The following DLGAP2 variants were observed in gnomAD, a reference collection of about 807,000 sequenced individuals.
DLGAP2 encodes DLG associated protein 2, also known as disks large-associated protein 2.
DLGAP2 carries 26 observed loss-of-function variants against 100.3 expected under a neutral mutation model. That is an observed-to-expected ratio of 0.26 (90% CI 0.19 to 0.36). The LOEUF (loss-of-function observed/expected upper bound fraction) is 0.36. Among genes scored for constraint, DLGAP2 ranks in the 10% least tolerant of loss-of-function variants. DLGAP2 has a pLI of 1.00. For missense variants in DLGAP2, 1,858 were observed against 1,453.2 expected, an observed-to-expected ratio of 1.28 and a Z score of -4.53; for synonymous variants, 886 against 630.1, an observed-to-expected ratio of 1.41 and a Z score of -6.08.
chr8:1,115,806 TTTG>T (rs1446479984), intron 2 of DLGAP2, among the ~76,000 whole-genome samples: 1 of 152,174 alleles, frequency 6.6e-6, no homozygotes, highest in African/African-American at 2.4e-5. Flanking sequence ...AGTTTTCGAA[TTTG>T]TTGAGATGAT....
intron 2 of DLGAP2, among the ~76,000 whole-genome samples, chr8:987,784 C>T (rs1386749691): frequency 6.6e-6 from 1 of 152,172 alleles, no homozygotes; most frequent in African/African-American, 2.4e-5. Flanking sequence ...CTTTTACTCA[C>T]ACCGGGTGCT....
At chr8:1,651,167 G>A (rs73671288) in intron 8 of DLGAP2, among the ~76,000 whole-genome samples, 17,949 of 152,186 alleles carry the variant, frequency 0.12, 1,404 homozygotes, top group Middle Eastern at 0.23. Flanking sequence ...CTCAGACACC[G>A]TATTTCTTCC....
intron 2 of DLGAP2, among the ~76,000 whole-genome samples, chr8:1,154,184 G>A (rs550877471): frequency 1.7e-3 from 266 of 152,278 alleles, no homozygotes; most frequent in Middle Eastern, 6.8e-3. Flanking sequence ...GGTAATGTAA[G>A]GGGTAATTGT....
At chr8:1,451,383 C>T (rs777428872) in intron 3 of DLGAP2, among the ~76,000 whole-genome samples, 1 of 152,258 alleles carries the variant, frequency 6.6e-6, no homozygotes, top group East Asian at 1.9e-4. Context: ...GTGAGTCCTC[C>T]AGCCACCTCC....
intron 13 of DLGAP2, among the ~76,000 whole-genome samples, chr8:1,693,595 G>A (rs957282678): frequency 1.6e-4 from 24 of 152,178 alleles, no homozygotes; most frequent in African/African-American, 5.1e-4. Flanking sequence ...GCTTTTTCAC[G>A]TGCAAGGAGA....
chr8:749,027 G>A (rs566864650), intron 1 of DLGAP2, among the ~76,000 whole-genome samples: 44 of 152,258 alleles, frequency 2.9e-4, no homozygotes, highest in South Asian at 4.1e-4. Context: ...GTGAGAGGGG[G>A]CCTTGCTTGT....
At chr8:882,750 C>T (rs996938927) in intron 1 of DLGAP2, among the ~76,000 whole-genome samples, 1 of 150,992 alleles carries the variant, frequency 6.6e-6, no homozygotes, top group African/African-American at 2.4e-5. Flanking sequence ...CCTGATCCAG[C>T]GGTACCTCTC....
intron 2 of DLGAP2, among the ~76,000 whole-genome samples, chr8:952,661 T>C (rs944849522): frequency 1.2e-4 from 18 of 151,930 alleles, no homozygotes; most frequent in African/African-American, 4.1e-4. Context: ...AAAATAAAAA[T>C]AATCAACATA....
intron 3 of DLGAP2, among the ~76,000 whole-genome samples, chr8:1,430,023 T>TATATATATATATATATATAA (rs1797376759): frequency 1.0e-5 from 1 of 97,916 alleles, no homozygotes; most frequent in Non-Finnish European, 2.0e-5. Context: ...TATATATATA[T>TATATATATATATATATATAA]ATATACACAC....
At chr8:803,554 A>G (rs888929902) in intron 1 of DLGAP2, among the ~76,000 whole-genome samples, 1 of 147,396 alleles carries the variant, frequency 6.8e-6, no homozygotes, top group Non-Finnish European at 1.5e-5. Flanking sequence ...GTTACCAGTG[A>G]GATGCCCACC....
intron 1 of DLGAP2, among the ~76,000 whole-genome samples, chr8:789,947 G>A (rs915837677): frequency 2.0e-5 from 3 of 152,228 alleles, no homozygotes; most frequent in Admixed American, 1.3e-4. Context: ...TAAGGTTTCT[G>A]ATCTCTGTTT....
At chr8:784,703 C>A (rs1244472794) in intron 1 of DLGAP2, among the ~76,000 whole-genome samples, 1 of 152,164 alleles carries the variant, frequency 6.6e-6, no homozygotes, top group Admixed American at 6.5e-5. Context: ...CTGTGGACCC[C>A]ATACAGTGTT....
chr8:988,098 T>C (rs1012597997), intron 2 of DLGAP2, among the ~76,000 whole-genome samples: 2 of 152,200 alleles, frequency 1.3e-5, no homozygotes, highest in Non-Finnish European at 2.9e-5. Flanking sequence ...TAGGCCCTGA[T>C]GGGAGTTGCG....
intron 1 of DLGAP2, among the ~76,000 whole-genome samples, chr8:746,673 T>C (rs1473433040): frequency 1.3e-5 from 2 of 152,268 alleles, no homozygotes; most frequent in Non-Finnish European, 2.9e-5. Flanking sequence ...GTTTTGATTT[T>C]CTGTTTTTGT....
At chr8:1,573,483 AAG>A (rs1287908178) in intron 6 of DLGAP2, among the ~76,000 whole-genome samples, 5 of 152,040 alleles carry the variant, frequency 3.3e-5, no homozygotes, top group Admixed American at 6.5e-5. Context: ...AGAAAGGGTG[AAG>A]AGTGTCTGAG....
intron 2 of DLGAP2, among the ~76,000 whole-genome samples, chr8:1,153,657 G>C (rs774683895): frequency 1.3e-5 from 2 of 152,180 alleles, no homozygotes; most frequent in African/African-American, 4.8e-5. Context: ...ATCAGAATGT[G>C]AGTCTAATGA....
At chr8:1,371,518 T>G (rs988575626) in intron 3 of DLGAP2, among the ~76,000 whole-genome samples, 5 of 152,210 alleles carry the variant, frequency 3.3e-5, no homozygotes, top group African/African-American at 1.2e-4. Context: ...CTGTGGTGGT[T>G]TGTGGCTTCT....
intron 2 of DLGAP2, among the ~76,000 whole-genome samples, chr8:956,983 C>T (rs1321750783): frequency 6.6e-6 from 1 of 152,230 alleles, no homozygotes; most frequent in East Asian, 1.9e-4. Context: ...TACTAGATTG[C>T]TCCAAGACAC....
At chr8:1,556,965 G>C (rs1477068827) in intron 5 of DLGAP2, among the ~76,000 whole-genome samples, 1 of 152,086 alleles carries the variant, frequency 6.6e-6, no homozygotes, top group African/African-American at 2.4e-5. Context: ...GGAGATGCTT[G>C]TGGGGTCGGT....
Sources: allele counts gnomAD v4.1 joint callset (sites outside exome capture counted in the v4.1 genomes callset), GRCh38; gene constraint gnomAD v4.1.1; transcripts MANE v1.5; gene names NCBI Gene and HGNC (gene_info 2026-07-23, HGNC 2026-07-21).